The following NKAIN3 variants were observed in gnomAD, a reference collection of about 807,000 sequenced individuals.
NKAIN3 encodes the protein sodium/potassium-transporting ATPase subunit beta-1-interacting protein 3.
NKAIN3 carries 25 observed loss-of-function variants against 30.2 expected under a neutral mutation model. The ratio of observed to expected loss-of-function variants is 0.83; its 90% CI spans 0.60 to 1.16. The LOEUF is 1.16. NKAIN3 is among the 50% of genes most tolerant of loss of function. The pLI is 0.00. For missense variants in NKAIN3, 225 were observed against 254.1 expected (o/e 0.89, Z 0.78); for synonymous variants, 91 against 89.6 (o/e 1.02, Z -0.09).
chr8:62,819,811 TA>T (rs1345299509), intron 4 of NKAIN3, among the ~76,000 whole-genome samples: 1 of 152,126 alleles, frequency 6.6e-6, no homozygotes, highest in Admixed American at 6.6e-5. Flanking sequence ...GATAAGATTT[TA>T]AAACCTTCTA....
chr8:62,703,138 A>G (rs759173314), intron 3 of NKAIN3, among the ~76,000 whole-genome samples: 13 of 152,140 alleles, frequency 8.5e-5, no homozygotes, highest in African/African-American at 1.4e-4. Context: ...ATCATTACTA[A>G]TAAATTTAAT....
intron 1 of NKAIN3, among the ~76,000 whole-genome samples, chr8:62,342,684 C>T (rs571879904): frequency 6.6e-6 from 1 of 152,152 alleles, no homozygotes; most frequent in Non-Finnish European, 1.5e-5. Flanking sequence ...GAAGTGCTGA[C>T]TGGAAGAAGG....
chr8:62,307,505 A>G (rs935882236), intron 1 of NKAIN3, among the ~76,000 whole-genome samples: 1 of 150,172 alleles, frequency 6.7e-6, no homozygotes, highest in Non-Finnish European at 1.5e-5. Flanking sequence ...TACTAGGAAA[A>G]CAAAAACCTT....
intron 4 of NKAIN3, among the ~76,000 whole-genome samples, chr8:62,900,971 A>G (rs1173792331): frequency 6.6e-6 from 1 of 152,116 alleles, no homozygotes; most frequent in Non-Finnish European, 1.5e-5. Flanking sequence ...CCTCATGTTG[A>G]TCCCCCAACT....
chr8:62,709,721 T>C (rs183593907), intron 3 of NKAIN3, among the ~76,000 whole-genome samples: 1 of 152,246 alleles, frequency 6.6e-6, no homozygotes, highest in African/African-American at 2.4e-5. Context: ...CAATTTCATT[T>C]AGTTCTGCTC....
intron 4 of NKAIN3, among the ~76,000 whole-genome samples, chr8:62,906,446 A>G (rs1010090072): frequency 2.0e-5 from 3 of 152,198 alleles, no homozygotes; most frequent in African/African-American, 4.8e-5. Flanking sequence ...GAAGGATTTC[A>G]GAGAGTCATT....
At chr8:62,806,868 T>C (rs540961994) in intron 4 of NKAIN3, among the ~76,000 whole-genome samples, 18 of 151,442 alleles carry the variant, frequency 1.2e-4, no homozygotes, top group African/African-American at 4.4e-4. Flanking sequence ...ACCAGAGAGA[T>C]GTCTTGTTTA....
intron 4 of NKAIN3, among the ~76,000 whole-genome samples, chr8:62,915,834 T>C (rs1044809605): frequency 1.3e-5 from 2 of 152,066 alleles, no homozygotes; most frequent in Non-Finnish European, 2.9e-5. Flanking sequence ...AAAGGCTTTT[T>C]CCCCCATAAG....
At chr8:62,345,496 C>CATATAT (rs1554669305) in intron 1 of NKAIN3, among the ~76,000 whole-genome samples, 30 of 117,450 alleles carry the variant, frequency 2.6e-4, no homozygotes, top group East Asian at 7.3e-4. Context: ...TATATACACA[C>CATATAT]ATATATACAC....
At chr8:62,924,398 C>A in intron 5 of NKAIN3, among the ~76,000 whole-genome samples, 1 of 152,216 alleles carries the variant, frequency 6.6e-6, no homozygotes, top group South Asian at 2.1e-4. Context: ...ATATTATTCA[C>A]CAAGGCTGAC....
chr8:62,902,109 C>T (rs1214261822), intron 4 of NKAIN3, among the ~76,000 whole-genome samples: 1 of 152,108 alleles, frequency 6.6e-6, no homozygotes, highest in Non-Finnish European at 1.5e-5. Context: ...GCTCTGGGGA[C>T]CTCAGCTCTC....
At chr8:62,867,949 G>C (rs1020748590) in intron 4 of NKAIN3, among the ~76,000 whole-genome samples, 3 of 152,144 alleles carry the variant, frequency 2.0e-5, no homozygotes, top group Non-Finnish European at 2.9e-5. Context: ...TGTAGTACAT[G>C]CAGCTGTGTA....
At chr8:62,544,187 C>A (rs947478159) in intron 1 of NKAIN3, among the ~76,000 whole-genome samples, 13 of 151,874 alleles carry the variant, frequency 8.6e-5, no homozygotes, top group Non-Finnish European at 7.4e-5. Context: ...ATTTTTTGTA[C>A]AGACATAGTC....
intron 1 of NKAIN3, among the ~76,000 whole-genome samples, chr8:62,481,955 A>T (rs2129600877): frequency 6.6e-6 from 1 of 152,284 alleles, no homozygotes; most frequent in South Asian, 2.1e-4. Flanking sequence ...CCAGCCCACA[A>T]AACCCAATGC....
intron 4 of NKAIN3, among the ~76,000 whole-genome samples, chr8:62,784,597 G>C (rs1220478046): frequency 6.6e-6 from 1 of 151,908 alleles, no homozygotes; most frequent in African/African-American, 2.4e-5. Flanking sequence ...TACTGAAAAA[G>C]AGAAAATAAA....
At chr8:62,637,752 G>A (rs1288522678) in intron 3 of NKAIN3, among the ~76,000 whole-genome samples, 1 of 152,108 alleles carries the variant, frequency 6.6e-6, no homozygotes, top group South Asian at 2.1e-4. Context: ...CCGGTGTCTG[G>A]GGCCTGGGAG....
intron 4 of NKAIN3, among the ~76,000 whole-genome samples, chr8:62,768,287 C>T (rs1471420621): frequency 6.6e-6 from 1 of 152,166 alleles, no homozygotes; most frequent in Non-Finnish European, 1.5e-5. Context: ...AGATTGCCAT[C>T]CAACCTGTCT....
chr8:62,902,345 C>T (rs2130838918), intron 4 of NKAIN3, among the ~76,000 whole-genome samples: 2 of 152,252 alleles, frequency 1.3e-5, no homozygotes, highest in South Asian at 4.1e-4. Context: ...GTCAATAGCT[C>T]AAGATGGGAA....
At chr8:62,666,234 A>ATTC (rs1813096267) in intron 3 of NKAIN3, among the ~76,000 whole-genome samples, 1 of 151,942 alleles carries the variant, frequency 6.6e-6, no homozygotes, top group African/African-American at 2.4e-5. Flanking sequence ...TTAATTAATT[A>ATTC]ATTCATTCAT....
Sources: gnomAD v4.1 joint callset for allele counts (sites outside exome capture counted in the v4.1 genomes callset) on GRCh38, gnomAD v4.1.1 for gene constraint, MANE v1.5 for transcripts, NCBI Gene and HGNC (gene_info 2026-07-23, HGNC 2026-07-21) for gene names.